ANGPT2: variants seen among roughly 807,000 people sequenced by gnomAD.
ANGPT2 encodes the protein angiopoietin 2.
Under a neutral mutation model 62.9 loss-of-function variants are expected in ANGPT2, and 28 were observed. The ratio of observed to expected loss-of-function variants is 0.44; its 90% CI spans 0.33 to 0.61. ANGPT2 has a LOEUF of 0.61. ANGPT2 is among the 20% of genes least tolerant of loss of function. The probability of loss-of-function intolerance (pLI) is 0.03; values close to 1 mark genes in which losing one functional copy is unlikely to be tolerated. For missense variants in ANGPT2, 727 were observed against 594.9 expected (o/e 1.22, Z -2.31); for synonymous variants, 284 against 207.8 (o/e 1.37, Z -3.15).
chr8:6,546,101 A>T (rs1330583190), intron 1 of ANGPT2, among the ~76,000 whole-genome samples: 1 of 152,172 alleles, frequency 6.6e-6, no homozygotes, highest in Non-Finnish European at 1.5e-5. Context: ...CTAACATCAC[A>T]TTTCTGGTTG....
intron 7 of ANGPT2, among the ~76,000 whole-genome samples, chr8:6,509,674 G>C (rs1400925967): frequency 2.0e-5 from 3 of 152,192 alleles, no homozygotes; most frequent in Non-Finnish European, 4.4e-5. Flanking sequence ...GACGATCCCT[G>C]ACTTCCCATG....
chr8:6,513,794 C>G lies in ANGPT2; in HGVS notation c.1080G>C (p.Ser360=). The change falls in exon 7 of 9, where the codon TCG becomes TCC. Residue 360 remains serine (S), a synonymous_variant. Coordinates refer to ENST00000629816, the MANE Select transcript of ANGPT2 (RefSeq NM_001118887.2). ...CATAGCGTTGCTGATTAGTCAGTTGCGAAACAAACTCATTTCCCAGCCAAT... is the reference window on the plus strand; with the variant it reads ...CATAGCGTTGCTGATTAGTCAGTTGGGAAACAAACTCATTTCCCAGCCAAT... ...GEYWLGNEFV[S]QLTNQQRYVL... is the part of the protein sequence containing the mutation. 1.2e-6 allele frequency: 2 copies of G among 1,613,786 alleles called. No homozygotes were observed. The highest frequency in any genetic ancestry group is 1.7e-6 in the Non-Finnish European group (2 of 1,179,880).
At chr8:6,548,329 C>T (rs1822983732) in intron 1 of ANGPT2, among the ~76,000 whole-genome samples, 1 of 152,160 alleles carries the variant, frequency 6.6e-6, no homozygotes, top group African/African-American at 2.4e-5. Flanking sequence ...AGCTGTTGGT[C>T]CCCTGCCACT....
intron 1 of ANGPT2, among the ~76,000 whole-genome samples, chr8:6,537,524 G>C (rs780263128): frequency 2.0e-5 from 3 of 149,726 alleles, no homozygotes; most frequent in Non-Finnish European, 4.4e-5. Context: ...CAAGCAACCA[G>C]GATGAAATAT....
chr8:6,529,648 A>G (rs1477532296), intron 2 of ANGPT2, among the ~76,000 whole-genome samples: 1 of 117,874 alleles, frequency 8.5e-6, no homozygotes, highest in Admixed American at 9.2e-5. Flanking sequence ...TTTTTTTGGT[A>G]GAGATGGGGT....
intron 7 of ANGPT2, among the ~76,000 whole-genome samples, 154 bp from the exon 8 acceptor site, chr8:6,509,216 T>C (rs181685313): frequency 8.6e-4 from 131 of 152,344 alleles, no homozygotes; most frequent in African/African-American, 3.1e-3. Flanking sequence ...TTTGCACTGG[T>C]ATAAACAGGA....
rs143326704 is a variant in ANGPT2, at chr8:6,521,221, C to T, written c.756G>A (p.Met252Ile). 1.2e-4 allele frequency: 186 copies of T among 1,613,768 alleles called. No individual in the cohort carries two copies. The highest frequency in any genetic ancestry group is 1.4e-4 in the Non-Finnish European group (168 of 1,179,950). The change falls in exon 4 of 9, where the codon ATG (methionine) becomes ATA (isoleucine). Residue 252 changes from methionine to isoleucine, a missense_variant. Met to Ile is a conservative substitution (Grantham distance 10). Coordinates refer to ENST00000629816, the MANE Select transcript of ANGPT2 (RefSeq NM_001118887.2). ...TAGTCAGTAAGTTATTAACTGTCTC[C>T]ATGAGATCATGTTGCTGCTTCTGAA... ...SVLQKQQHDLMETVNNLLTMM... is the reference protein window; with the variant it reads ...SVLQKQQHDLIETVNNLLTMM...
rs768375694 is a variant in ANGPT2, at chr8:6,513,769, C to A, written c.1105G>T (p.Val369Leu). ...CAGTCTTTAAGGTGTATTTTAAGCA[C>A]ATAGCGTTGCTGATTAGTCAGTTGC... is the stretch of plus-strand genomic sequence containing the variant. ...VSQLTNQQRY[V>L]LKIHLKDWEG... The change falls in exon 7 of 9, where the codon GTG (valine) becomes TTG (leucine). Residue 369 changes from valine to leucine, a missense_variant. Val to Leu is a conservative substitution (Grantham distance 32, BLOSUM62 1). Transcript: ENST00000629816. The A allele has an allele frequency of 6.2e-7, 1 of 1,614,032 alleles. No individual in the cohort carries two copies. The highest frequency in any genetic ancestry group is 1.7e-5 in the Admixed American group (1 of 60,004).
intron 3 of ANGPT2, among the ~76,000 whole-genome samples, chr8:6,525,198 A>T (rs760132348): frequency 1.5e-4 from 23 of 152,194 alleles, no homozygotes; most frequent in Non-Finnish European, 2.9e-4. Context: ...CAGTATTAAT[A>T]ATAATTATTA....
At chr8:6,559,103 G>A (rs1825104346) in intron 1 of ANGPT2, among the ~76,000 whole-genome samples, 1 of 152,090 alleles carries the variant, frequency 6.6e-6, no homozygotes, top group South Asian at 2.1e-4. Flanking sequence ...CTCCGCAGGA[G>A]GACCACGGGA....
At chr8:6,545,360 T>C (rs1025707881) in intron 1 of ANGPT2, among the ~76,000 whole-genome samples, 18 of 152,214 alleles carry the variant, frequency 1.2e-4, no homozygotes, top group South Asian at 4.1e-4. Flanking sequence ...ATCTCAAAAA[T>C]TCTTTTAAAA....
At chr8:6,504,037 G>T (rs1444735199) in intron 8 of ANGPT2, among the ~76,000 whole-genome samples, 1 of 152,202 alleles carries the variant, frequency 6.6e-6, no homozygotes, top group African/African-American at 2.4e-5. Flanking sequence ...TATAAGCAGG[G>T]GCCGGGCGCA....
chr8:6,526,070 T>G (rs1185279267), intron 3 of ANGPT2, among the ~76,000 whole-genome samples: 1 of 152,046 alleles, frequency 6.6e-6, no homozygotes, highest in Non-Finnish European at 1.5e-5. Flanking sequence ...CCAGCTCCCA[T>G]GTGTTCCAGG....
chr8:6,536,407 G>T (rs914829991), intron 1 of ANGPT2, among the ~76,000 whole-genome samples: 1 of 75,212 alleles, frequency 1.3e-5, no homozygotes, highest in Non-Finnish European at 3.1e-5. Flanking sequence ...AGCCTTTTAA[G>T]AGCCAAAGTG....
At chr8:6,534,108 T>A (rs1220336948) in intron 1 of ANGPT2, among the ~76,000 whole-genome samples, 2 of 152,112 alleles carry the variant, frequency 1.3e-5, no homozygotes, top group East Asian at 1.9e-4. Context: ...CCCGTGGATA[T>A]TGGATGGGTC....
intron 1 of ANGPT2, among the ~76,000 whole-genome samples, chr8:6,546,859 AACT>A (rs1361523374): frequency 2.0e-5 from 3 of 152,212 alleles, no homozygotes; most frequent in Admixed American, 2.0e-4. Context: ...AGTCAAAAAG[AACT>A]AATAAATTGT....
intron 1 of ANGPT2, among the ~76,000 whole-genome samples, chr8:6,558,428 A>G (rs1053982762): frequency 4.6e-5 from 7 of 152,136 alleles, no homozygotes. Context: ...TTTCAATTTT[A>G]AATGTACAAA....
intron 4 of ANGPT2, among the ~76,000 whole-genome samples, chr8:6,520,484 C>T (rs531939576): frequency 1.2e-4 from 19 of 152,264 alleles, no homozygotes; most frequent in African/African-American, 4.1e-4. Flanking sequence ...CATCCTCCTC[C>T]TCCCAGGTTT....
rs2515473 is a variant in ANGPT2 at position 6,530,470 on chromosome 8, C to G, written c.444+1862G>C. Among the ~76,000 whole-genome samples, 42 of 146,370 alleles carry G rather than the reference C, an allele frequency of 2.9e-4. 1 individual carries two copies. Among genetic ancestry groups the G allele is most frequent in the African/African-American group, 1.1e-3 (42 of 39,308 alleles). On this transcript the variant is annotated intron_variant, in intron 2 of 8. Transcript: ENST00000629816. ...GTTGCAGCAAGTCGAGATCACACCA[C>G]TGCACTCCAACCTGGGCAATGCAGT...
Sources: allele counts gnomAD v4.1 joint callset (sites outside exome capture counted in the v4.1 genomes callset), GRCh38; gene constraint gnomAD v4.1.1; transcripts MANE v1.5; gene names NCBI Gene and HGNC (gene_info 2026-07-23, HGNC 2026-07-21).